ARFGEF1: variants seen among roughly 807,000 people sequenced by gnomAD.
ARFGEF1 encodes the protein brefeldin A-inhibited guanine nucleotide-exchange protein 1.
ARFGEF1 carries 42 observed loss-of-function variants against 231.0 expected under a neutral mutation model. The observed-to-expected ratio is 0.18, with a 90% CI of 0.14 to 0.24. The LOEUF (loss-of-function observed/expected upper bound fraction) is 0.24. Among genes scored for constraint, ARFGEF1 ranks in the 10% least tolerant of loss-of-function variants. ARFGEF1 has a pLI of 1.00. For missense variants in ARFGEF1, 1,345 were observed against 2,192.0 expected (o/e 0.61, Z 7.72); for synonymous variants, 710 against 732.3 (o/e 0.97, Z 0.49).
chr8:67,324,043 C>A (rs937905393), intron 1 of ARFGEF1, among the ~76,000 whole-genome samples: 1 of 152,210 alleles, frequency 6.6e-6, no homozygotes, highest in African/African-American at 2.4e-5. Context: ...CCTTGTGAAC[C>A]GCCCGCCTCG....
intron 21 of ARFGEF1, 92 bp from the exon 22 acceptor site, chr8:67,238,585 C>G: frequency 2.1e-6 from 3 of 1,420,044 alleles, no homozygotes; most frequent in Non-Finnish European, 2.9e-6. Context: ...TAAACACAGA[C>G]TACACTATAG....
chr8:67,299,583 C>G (rs1806386740), intron 3 of ARFGEF1, among the ~76,000 whole-genome samples: 1 of 152,162 alleles, frequency 6.6e-6, no homozygotes, highest in Admixed American at 6.5e-5. Context: ...AGAACAATAA[C>G]CACAATAAAA....
At chr8:67,273,576 T>C (rs1805191656) in intron 9 of ARFGEF1, among the ~76,000 whole-genome samples, 1 of 152,084 alleles carries the variant, frequency 6.6e-6, no homozygotes, top group African/African-American at 2.4e-5. Flanking sequence ...TAATAAGGAA[T>C]TGTTAATTTC....
At chr8:67,342,928 A>C (rs1231057083) in intron 1 of ARFGEF1, among the ~76,000 whole-genome samples, 2 of 152,116 alleles carry the variant, frequency 1.3e-5, no homozygotes, top group South Asian at 2.1e-4. Flanking sequence ...CGCGATCCTA[A>C]GCCCTGCCGC....
intron 18 of ARFGEF1, 152 bp from the exon 19 acceptor site, chr8:67,251,602 T>C: frequency 1.3e-6 from 1 of 748,168 alleles, no homozygotes; most frequent in Non-Finnish European, 1.9e-6. Context: ...ATTACACTTA[T>C]ATGAAAAATC....
At chr8:67,211,422 A>C (rs1360683081) in intron 34 of ARFGEF1, 61 bp downstream of exon 34, 2 of 1,351,610 alleles carry the variant, frequency 1.5e-6, no homozygotes, top group Non-Finnish European at 2.0e-6. Flanking sequence ...AGTAAAACCA[A>C]AAATGTTAAC....
intron 4 of ARFGEF1, among the ~76,000 whole-genome samples, chr8:67,296,936 G>GCCAC (rs1806262135): frequency 6.6e-6 from 1 of 152,096 alleles, no homozygotes; most frequent in Admixed American, 6.6e-5. Flanking sequence ...ACAGGCATGA[G>GCCAC]CCACCACACC....
At chr8:67,223,442 C>T (rs1839269640) in intron 29 of ARFGEF1, among the ~76,000 whole-genome samples, 1 of 152,122 alleles carries the variant, frequency 6.6e-6, no homozygotes, top group Non-Finnish European at 1.5e-5. Context: ...CCCACCTTGA[C>T]ATCCCAAAGT....
chr8:67,325,075 G>A (rs113793480), intron 1 of ARFGEF1, among the ~76,000 whole-genome samples: 114 of 152,116 alleles, frequency 7.5e-4, no homozygotes, highest in African/African-American at 2.3e-3. Context: ...CACCATGCCC[G>A]GCTAATTTTG....
At position 67,265,999 on chromosome 8, in the gene ARFGEF1, C is replaced by G; in HGVS notation, c.2123+7G>C. 1 of 1,612,786 alleles carries G rather than the reference C, an allele frequency of 6.2e-7. No individual in the cohort carries two copies. Among genetic ancestry groups the G allele is most frequent in the South Asian group, 1.1e-5 (1 of 91,044 alleles). On this transcript the variant is annotated splice_region_variant and intron_variant, in intron 14 of 38. Transcript: ENST00000262215. The stretch of plus-strand genomic sequence containing the variant: ...AATAACATTTCTCCTTAAGCTATGA[C>G]ACTTACAAATCTATCCCTTGTTCTA...
intron 22 of ARFGEF1, among the ~76,000 whole-genome samples, chr8:67,236,609 AG>A (rs1839779820): frequency 6.6e-6 from 1 of 151,962 alleles, no homozygotes; most frequent in Non-Finnish European, 1.5e-5. Flanking sequence ...TCTGCCCAAC[AG>A]GGGCCAAGTC....
chr8:67,288,912 G>C (rs1805876657), intron 6 of ARFGEF1, among the ~76,000 whole-genome samples: 1 of 150,070 alleles, frequency 6.7e-6, no homozygotes, highest in Admixed American at 6.6e-5. Context: ...AATTTAAGAA[G>C]CTAAAAAAGA....
intron 1 of ARFGEF1, among the ~76,000 whole-genome samples, chr8:67,337,445 A>C (rs1024765894): frequency 2.0e-5 from 3 of 152,080 alleles, no homozygotes; most frequent in African/African-American, 7.2e-5. Context: ...CCAAATGCAC[A>C]CAATTATCAC....
rs1209574683 is a variant in ARFGEF1, at chr8:67,245,757, C to T, written c.2851-5467G>A. 4.7e-5 allele frequency among the ~76,000 whole-genome samples: 7 copies of T among 150,198 alleles called. 1 individual carries two copies. Among genetic ancestry groups the T allele is most frequent in the African/African-American group, 1.7e-4 (7 of 40,146 alleles). ...AAGAGTAAGTCTTTATCAATAGTCA[C>T]ACTGAATATACATAGGCTAAACTCT... On this transcript the variant is annotated intron_variant, in intron 19 of 38. Transcript: ENST00000262215.
downstream of ARFGEF1, chr8:67,195,724 T>G (rs1837809108): frequency 1.5e-6 from 1 of 667,550 alleles, no homozygotes; most frequent in Non-Finnish European, 2.6e-6. Context: ...ATAAAATTAT[T>G]TTTATCATGA....
intron 19 of ARFGEF1, among the ~76,000 whole-genome samples, chr8:67,244,531 C>T (rs569185519): frequency 6.7e-6 from 1 of 149,210 alleles, no homozygotes; most frequent in Non-Finnish European, 1.5e-5. Flanking sequence ...AACTCCTGGG[C>T]TCAAGTGATC....
chr8:67,302,722 T>G (rs1415374238), intron 1 of ARFGEF1, among the ~76,000 whole-genome samples: 1 of 152,120 alleles, frequency 6.6e-6, no homozygotes, highest in African/African-American at 2.4e-5. Context: ...ACGCATTTCC[T>G]TTTCTCAAAG....
chr8:67,237,996 CT>C (rs1201525356), intron 22 of ARFGEF1, among the ~76,000 whole-genome samples: 2 of 152,190 alleles, frequency 1.3e-5, no homozygotes, highest in African/African-American at 4.8e-5. Flanking sequence ...CTGCTCATTG[CT>C]TTAACAATTA....
rs561222464 is a variant in ARFGEF1 at position 67,232,721 on chromosome 8, A to T, written c.3380+134T>A. On this transcript the variant is annotated intron_variant, in intron 23 of 38. Transcript: ENST00000262215. The stretch of plus-strand genomic sequence containing the variant: ...ATAGGTACTTCATCATCTAAATCAC[A>T]GCATATCACAATATAATTTTATATT... 78 of 645,152 alleles carry T rather than the reference A, an allele frequency of 1.2e-4. No homozygotes were observed. In the African/African-American group the frequency reaches 1.4e-3, roughly 11 times the overall value. The allele number at this position is 645,152 out of a possible 1,614,324, so 40.0% of individuals were successfully genotyped here. A position where few individuals can be genotyped will look rare whatever the true frequency, so the allele number is the denominator to read the frequency against.
Sources: allele counts gnomAD v4.1 joint callset (sites outside exome capture counted in the v4.1 genomes callset), GRCh38; gene constraint gnomAD v4.1.1; transcripts MANE v1.5; gene names NCBI Gene and HGNC (gene_info 2026-07-23, HGNC 2026-07-21).